Variants in SPATA6 observed in about 807,000 individuals in gnomAD.
SPATA6 encodes the protein spermatogenesis associated 6.
SPATA6 carries 56 observed loss-of-function variants against 65.3 expected under a neutral mutation model. The ratio of observed to expected loss-of-function variants is 0.86; its 90% confidence interval spans 0.69 to 1.07. The LOEUF (loss-of-function observed/expected upper bound fraction) is 1.07, where lower values mean the gene tolerates loss of function less well. SPATA6 is among the 50% of genes least tolerant of loss of function. SPATA6 has a pLI of 0.00. For synonymous variants in SPATA6, 199 were observed against 213.2 expected (o/e 0.93, Z 0.58); for missense variants, 590 against 594.8 (o/e 0.99, Z 0.08).
At chr1:48,442,282 C>T (rs1045824208) in intron 3 of SPATA6, among the ~76,000 whole-genome samples, 6 of 152,156 alleles carry the variant, frequency 3.9e-5, no homozygotes, top group East Asian at 3.8e-4. Context: ...AAAGTGTACA[C>T]GGATAGCAAA....
At chr1:48,375,847 C>A (rs1647832500) in intron 9 of SPATA6, among the ~76,000 whole-genome samples, 1 of 152,066 alleles carries the variant, frequency 6.6e-6, no homozygotes, top group Non-Finnish European at 1.5e-5. Context: ...CTTGCAATGG[C>A]AACTTTGGAT....
intron 11 of SPATA6, among the ~76,000 whole-genome samples, chr1:48,334,410 T>G (rs1219958737): frequency 1.3e-5 from 2 of 151,956 alleles, no homozygotes; most frequent in Admixed American, 6.6e-5. Flanking sequence ...CTGAATCCAG[T>G]AGCAAATCAA....
At chr1:48,316,794 G>T (rs1194112509) in intron 11 of SPATA6, among the ~76,000 whole-genome samples, 1 of 152,046 alleles carries the variant, frequency 6.6e-6, no homozygotes, top group East Asian at 1.9e-4. Context: ...CTGACAAAGG[G>T]CTAATATCTA....
intron 8 of SPATA6, among the ~76,000 whole-genome samples, chr1:48,388,400 C>T (rs983643523): frequency 6.6e-6 from 1 of 152,016 alleles, no homozygotes; most frequent in Non-Finnish European, 1.5e-5. Flanking sequence ...AACAGATGTT[C>T]AGATATCAAT....
intron 3 of SPATA6, among the ~76,000 whole-genome samples, chr1:48,440,892 A>G (rs1655399219): frequency 6.6e-6 from 1 of 152,202 alleles, no homozygotes; most frequent in Non-Finnish European, 1.5e-5. Flanking sequence ...CCAAGAGAAC[A>G]GGCCAAAAAG....
At chr1:48,326,143 T>C (rs1645753586) in intron 11 of SPATA6, 1 of 154,266 alleles carries the variant, frequency 6.5e-6, no homozygotes, top group Non-Finnish European at 1.4e-5. Context: ...TCCCCTCCCA[T>C]TTGGTAGGCC....
chr1:48,365,685 G>C (rs1347344349), intron 9 of SPATA6, among the ~76,000 whole-genome samples: 2 of 152,180 alleles, frequency 1.3e-5, no homozygotes, highest in African/African-American at 2.4e-5. Context: ...AGCTCAAGGA[G>C]ATTTTGGGCT....
At position 48,428,092 on chromosome 1, in the gene SPATA6, A is replaced by G. The variant is rs538499971; in HGVS notation, c.239-14941T>C. Among the ~76,000 whole-genome samples, 374 of 152,314 alleles carry G rather than the reference A, an allele frequency of 2.5e-3. 2 individuals are homozygous for G. Among genetic ancestry groups the G allele is most frequent in the African/African-American group, 8.7e-3 (362 of 41,572 alleles). On this transcript the variant is annotated intron_variant, in intron 3 of 12. Transcript: ENST00000371847. ...TTTCTTGTAGCTCCATGCATATGGA[A>G]CCATATGCATCTGGCTCCCTAAAAA...
At chr1:48,359,527 C>T in intron 10 of SPATA6, 59 bp downstream of exon 10, 1 of 1,518,110 alleles carries the variant, frequency 6.6e-7, no homozygotes, top group Non-Finnish European at 8.9e-7. Flanking sequence ...ATTGCTGCTT[C>T]CCCTTCTAAT....
At chr1:48,363,624 GTTTT>G (rs1210735769) in intron 9 of SPATA6, among the ~76,000 whole-genome samples, 1 of 151,674 alleles carries the variant, frequency 6.6e-6, no homozygotes, top group Non-Finnish European at 1.5e-5. Context: ...TATGAAAAGA[GTTTT>G]TTTAATGACT....
chr1:48,417,375 C>A (rs550621615), intron 3 of SPATA6, among the ~76,000 whole-genome samples: 2 of 151,754 alleles, frequency 1.3e-5, no homozygotes, highest in Non-Finnish European at 2.9e-5. Flanking sequence ...GCTTAGACTG[C>A]GACACAGAAA....
rs1408324278 is a variant in SPATA6, at chr1:48,295,904, C to T, written c.*2809G>A. On this transcript the variant is annotated 3_prime_UTR_variant, in exon 13 of 13. Coordinates refer to ENST00000371847, the MANE Select transcript of SPATA6 (RefSeq NM_019073.4). ...ATGTCAAAGGATCATTCTAAATTAACCCTTTTATCACCTTGTTGGTGAGAA... is the reference window on the plus strand; with the variant it reads ...ATGTCAAAGGATCATTCTAAATTAATCCTTTTATCACCTTGTTGGTGAGAA... 6.6e-6 allele frequency: 1 copy of T among 151,990 alleles called. No individual in the cohort carries two copies. Among genetic ancestry groups the T allele is most frequent in the Non-Finnish European group, 1.5e-5 (1 of 67,968 alleles). 9.4% of individuals were successfully genotyped at this position (151,990 alleles called of 1,614,324 possible).
chr1:48,279,864 A>G, the SPATA6 span, among the ~76,000 whole-genome samples: 8 of 152,196 alleles, frequency 5.3e-5, no homozygotes, highest in African/African-American at 1.9e-4. Flanking sequence ...TCCACCCCAA[A>G]TCAACAGAAT....
intron 12 of SPATA6, among the ~76,000 whole-genome samples, chr1:48,302,377 A>G (rs1048069141): frequency 1.3e-4 from 20 of 152,106 alleles, no homozygotes; most frequent in African/African-American, 4.8e-4. Flanking sequence ...TAGAATCTCC[A>G]CACCTTCCCA....
At chr1:48,440,538 G>A (rs114732038) in intron 3 of SPATA6, among the ~76,000 whole-genome samples, 2 of 152,228 alleles carry the variant, frequency 1.3e-5, no homozygotes, top group East Asian at 3.9e-4. Flanking sequence ...CCACTGGGAC[G>A]TCGACTCCGA....
chr1:48,391,984 A>T (rs1650119711), intron 8 of SPATA6, among the ~76,000 whole-genome samples: 1 of 152,158 alleles, frequency 6.6e-6, no homozygotes, highest in African/African-American at 2.4e-5. Context: ...ATCCATAAGA[A>T]ATTCAAACAA....
chr1:48,324,586 C>T (rs1400058293), intron 11 of SPATA6, among the ~76,000 whole-genome samples: 1 of 151,998 alleles, frequency 6.6e-6, no homozygotes, highest in Non-Finnish European at 1.5e-5. Context: ...GAATGAAGGA[C>T]AAAAATCATA....
At chr1:48,317,602 C>T (rs1177174876) in intron 11 of SPATA6, among the ~76,000 whole-genome samples, 1 of 151,944 alleles carries the variant, frequency 6.6e-6, no homozygotes, top group Non-Finnish European at 1.5e-5. Context: ...GGGTGCAGCA[C>T]ACCAACATAG....
At chr1:48,313,958 T>C (rs989130075) in intron 11 of SPATA6, among the ~76,000 whole-genome samples, 5 of 152,122 alleles carry the variant, frequency 3.3e-5, no homozygotes, top group Non-Finnish European at 4.4e-5. Context: ...CATTACATAA[T>C]GGTAAAGGGA....
Sources: allele counts gnomAD v4.1 joint callset (sites outside exome capture counted in the v4.1 genomes callset), GRCh38; gene constraint gnomAD v4.1.1; transcripts MANE v1.5; gene names NCBI Gene and HGNC (gene_info 2026-07-23, HGNC 2026-07-21).